The following PRKD1 variants were observed in gnomAD, a reference collection of about 807,000 sequenced individuals.
PRKD1 encodes the protein protein kinase D1.
Under a neutral mutation model 95.9 loss-of-function variants are expected in PRKD1, and 63 were observed. That is an observed-to-expected ratio of 0.66 (90% CI 0.54 to 0.81). The LOEUF is 0.81. Ranked by LOEUF, PRKD1 falls within the 30% of genes least tolerant of loss-of-function variation. The probability of loss-of-function intolerance (pLI) is 0.00; values close to 1 mark genes in which losing one functional copy is unlikely to be tolerated. For missense variants in PRKD1, 1,048 were observed against 1,165.3 expected (o/e 0.90, Z 1.47); for synonymous variants, 425 against 423.1 (o/e 1.00, Z -0.05).
intron 1 of PRKD1, among the ~76,000 whole-genome samples, chr14:29,750,844 C>G (rs1887449418): frequency 6.6e-6 from 1 of 152,064 alleles, no homozygotes; most frequent in Admixed American, 6.6e-5. Flanking sequence ...ACTTTTGGGC[C>G]AGGAGAGTAG....
chr14:29,852,786 G>C (rs1222405416), intron 1 of PRKD1, among the ~76,000 whole-genome samples: 1 of 152,044 alleles, frequency 6.6e-6, no homozygotes, highest in Non-Finnish European at 1.5e-5. Context: ...TTCAAAAAAG[G>C]ATCAATGAAA....
intron 3 of PRKD1, among the ~76,000 whole-genome samples, chr14:29,665,535 C>G (rs900113255): frequency 6.6e-6 from 1 of 152,130 alleles, no homozygotes; most frequent in Non-Finnish European, 1.5e-5. Flanking sequence ...CCAGTTCTAT[C>G]CAAGTTGCTG....
intron 1 of PRKD1, among the ~76,000 whole-genome samples, chr14:29,737,784 G>A (rs561208921): frequency 6.6e-6 from 1 of 152,288 alleles, no homozygotes; most frequent in East Asian, 1.9e-4. Context: ...AGATCCTGAG[G>A]TCTACTGGAT....
chr14:29,632,825 A>T, intron 9 of PRKD1, 44 bp downstream of exon 9: 1 of 1,516,284 alleles, frequency 6.6e-7, no homozygotes, highest in Non-Finnish European at 9.1e-7. Context: ...CCCATGAAAA[A>T]GCAATAAGAG....
At chr14:29,755,042 G>C (rs573221320) in intron 1 of PRKD1, among the ~76,000 whole-genome samples, 1 of 152,024 alleles carries the variant, frequency 6.6e-6, no homozygotes, top group South Asian at 2.1e-4. Flanking sequence ...ATACTTTCTA[G>C]TGGTGTTTTT....
intron 1 of PRKD1, among the ~76,000 whole-genome samples, chr14:29,729,553 T>C (rs953761352): frequency 1.1e-4 from 16 of 152,068 alleles, no homozygotes; most frequent in African/African-American, 2.9e-4. Context: ...TTTTGTTTGG[T>C]CTGGTAACAA....
At chr14:29,599,237 G>A in intron 14 of PRKD1, 112 bp from the exon 15 acceptor site, 2 of 849,064 alleles carry the variant, frequency 2.4e-6, no homozygotes, top group South Asian at 3.3e-5. Context: ...ATTTCTTTAT[G>A]TTAAAGACAC....
intron 4 of PRKD1, among the ~76,000 whole-genome samples, chr14:29,648,817 G>A (rs765507743): frequency 2.0e-5 from 3 of 152,094 alleles, no homozygotes; most frequent in South Asian, 4.1e-4. Context: ...ACCATGCCCA[G>A]CTAATTTTTT....
At chr14:29,910,368 T>C (rs1248802616) in intron 1 of PRKD1, among the ~76,000 whole-genome samples, 2 of 151,896 alleles carry the variant, frequency 1.3e-5, no homozygotes, top group Non-Finnish European at 2.9e-5. Context: ...CGTCCGAACA[T>C]CAGAAGGAAC....
At chr14:29,844,536 A>T (rs570037617) in intron 1 of PRKD1, among the ~76,000 whole-genome samples, 1 of 152,170 alleles carries the variant, frequency 6.6e-6, no homozygotes, top group Non-Finnish European at 1.5e-5. Flanking sequence ...CGATGAGCCA[A>T]AAATATATAA....
intron 9 of PRKD1, 85 bp from the exon 10 acceptor site, chr14:29,631,106 A>C (rs1329477425): frequency 1.5e-6 from 2 of 1,292,988 alleles, no homozygotes; most frequent in East Asian, 4.9e-5. Context: ...CATGTGAAAA[A>C]TGACATCACA....
chr14:29,817,950 G>A (rs1328792381), intron 1 of PRKD1, among the ~76,000 whole-genome samples: 1 of 152,044 alleles, frequency 6.6e-6, no homozygotes, highest in Non-Finnish European at 1.5e-5. Flanking sequence ...AAAAACAGCA[G>A]GGAAGGAAAT....
chr14:29,607,903 A>C (rs1878127573), intron 13 of PRKD1, among the ~76,000 whole-genome samples: 1 of 152,202 alleles, frequency 6.6e-6, no homozygotes, highest in Non-Finnish European at 1.5e-5. Context: ...TGCCTACCAC[A>C]CCATACAAAG....
chr14:29,899,436 C>T (rs974178734), intron 1 of PRKD1, among the ~76,000 whole-genome samples: 45 of 152,036 alleles, frequency 3.0e-4, no homozygotes, highest in African/African-American at 1.1e-3. Flanking sequence ...CACTTAAGGC[C>T]CGGAGTTCAA....
Position 29,826,824 on chromosome 14 carries a change from T to TAC in PRKD1, c.264+100424_264+100425insGT, listed in dbSNP as rs1278252489. Among the ~76,000 whole-genome samples the TAC allele has an allele frequency of 5.8e-4, 17 of 29,226 alleles. 2 individuals are homozygous for TAC. Among genetic ancestry groups the TAC allele is most frequent in the South Asian group, 1.8e-3 (1 of 550 alleles). 19.2% of individuals were successfully genotyped at this position (29,226 alleles called of 152,430 possible). On this transcript the variant is annotated intron_variant, in intron 1 of 17. Coordinates refer to ENST00000331968, the MANE Select transcript of PRKD1 (RefSeq NM_002742.3). Reference sequence around the variant, plus strand: ...ATACACATATATATACACATATATATATATATATATATATACACACATATA... The same window carrying TAC: ...ATACACATATATATACACATATATATACATATATATATATATACACACATATA...
intron 2 of PRKD1, among the ~76,000 whole-genome samples, chr14:29,699,577 G>A (rs1884721049): frequency 6.6e-6 from 1 of 152,014 alleles, no homozygotes; most frequent in South Asian, 2.1e-4. Flanking sequence ...TTATGGCAAA[G>A]TTTTCTCCAA....
chr14:29,759,245 C>CA lies in PRKD1; in HGVS notation c.265-33572dup, dbSNP rs45459897. On this transcript the variant is annotated intron_variant, in intron 1 of 17. Coordinates refer to ENST00000331968, the MANE Select transcript of PRKD1 (RefSeq NM_002742.3). The stretch of plus-strand genomic sequence containing the variant: ...TAAGAAGAAGTATATTATTAGGACG[C>CA]AAAAAAAAAAGAAGAGAAAAAATGA... Among the ~76,000 whole-genome samples, 429 of 137,070 alleles carry CA rather than the reference C, an allele frequency of 3.1e-3. 3 individuals are homozygous for CA. The highest frequency in any genetic ancestry group is 6.0e-3 in the East Asian group (29 of 4,808). 89.9% of individuals were successfully genotyped at this position (137,070 alleles called of 152,430 possible). A position where few individuals can be genotyped will look rare whatever the true frequency, so the allele number is the denominator to read the frequency against.
intron 1 of PRKD1, among the ~76,000 whole-genome samples, chr14:29,826,730 TAC>T (rs1423672523): frequency 6.8e-5 from 6 of 88,546 alleles, no homozygotes; most frequent in African/African-American, 1.8e-4. Flanking sequence ...TACATATATA[TAC>T]ACATATATAT....
chr14:29,633,038 C>T (rs944180206), intron 8 of PRKD1, 92 bp from the exon 9 acceptor site: 10 of 1,189,156 alleles, frequency 8.4e-6, no homozygotes, highest in Middle Eastern at 2.0e-4. Flanking sequence ...TAGGGACATG[C>T]GATTTGAGGG....
Sources: allele counts gnomAD v4.1 joint callset (sites outside exome capture counted in the v4.1 genomes callset), GRCh38; gene constraint gnomAD v4.1.1; transcripts MANE v1.5; gene names NCBI Gene and HGNC (gene_info 2026-07-23, HGNC 2026-07-21).